Variants in DECR1 observed in about 807,000 individuals in gnomAD.
DECR1 encodes the protein 2,4-dienoyl-CoA reductase 1, also known as 2,4-dienoyl-CoA reductase [(3E)-enoyl-CoA-producing], mitochondrial.
In DECR1, 44 loss-of-function variants were observed where a neutral mutation model predicts 38.8. The observed-to-expected ratio is 1.13, with a 90% CI of 0.89 to 1.46. DECR1 has a LOEUF of 1.46. DECR1 is among the 40% of genes most tolerant of loss of function. DECR1 has a pLI of 0.00. For synonymous variants in DECR1, 148 were observed against 135.2 expected (o/e 1.09, Z -0.66); for missense variants, 428 against 405.5 (o/e 1.06, Z -0.48).
chr8:90,015,460 G>T, intron 1 of DECR1: 4 of 301,596 alleles, frequency 1.3e-5, no homozygotes, highest in South Asian at 5.9e-5. Flanking sequence ...ATTTTTATTT[G>T]TAGTTAAAAA....
intron 1 of DECR1, chr8:90,005,557 C>T: frequency 2.4e-6 from 1 of 412,628 alleles, no homozygotes; most frequent in Non-Finnish European, 4.8e-6. Context: ...TTACATAACT[C>T]TGGAGGAGGG....
chr8:90,004,130 C>G (rs1812684815), intron 1 of DECR1, among the ~76,000 whole-genome samples: 1 of 151,876 alleles, frequency 6.6e-6, no homozygotes, highest in Non-Finnish European at 1.5e-5. Context: ...ACTATCCAAC[C>G]TGATCAACAT....
At chr8:90,042,635 G>T in intron 6 of DECR1, 93 bp from the exon 7 acceptor site, 1 of 1,032,310 alleles carries the variant, frequency 9.7e-7, no homozygotes, top group Non-Finnish European at 1.5e-6. Context: ...GTAATCTCTG[G>T]CATGTAGTAA....
At chr8:90,044,581 A>C (rs1044216073) in intron 7 of DECR1, among the ~76,000 whole-genome samples, 10 of 152,172 alleles carry the variant, frequency 6.6e-5, no homozygotes, top group Admixed American at 2.0e-4. Flanking sequence ...CTTTATATAC[A>C]TTTTTTCATT....
At chr8:90,028,034 C>T (rs554134814) in intron 5 of DECR1, among the ~76,000 whole-genome samples, 23 of 152,208 alleles carry the variant, frequency 1.5e-4, no homozygotes, top group African/African-American at 5.3e-4. Context: ...CATTGAGCTT[C>T]TTAGCTTCTG....
chr8:90,004,274 G>T (rs1237832776), intron 1 of DECR1, among the ~76,000 whole-genome samples: 1 of 151,660 alleles, frequency 6.6e-6, no homozygotes, highest in South Asian at 2.1e-4. Context: ...TTGAACCTAG[G>T]AGGCAGAGGT....
intron 1 of DECR1, among the ~76,000 whole-genome samples, chr8:90,010,392 A>T (rs570582512): frequency 6.6e-6 from 1 of 152,338 alleles, no homozygotes; most frequent in Admixed American, 6.5e-5. Flanking sequence ...TTGTATTACC[A>T]GATACCTCCA....
chr8:90,004,197 C>T (rs1194257893), intron 1 of DECR1, among the ~76,000 whole-genome samples: 1 of 151,596 alleles, frequency 6.6e-6, no homozygotes, highest in Non-Finnish European at 1.5e-5. Context: ...GTGGCGCGTG[C>T]CTGTAATCCC....
At chr8:90,051,347 T>C (rs752229940) in intron 8 of DECR1, among the ~76,000 whole-genome samples, 13 of 149,718 alleles carry the variant, frequency 8.7e-5, no homozygotes, top group African/African-American at 1.2e-4. Flanking sequence ...GAGAGAGAGA[T>C]TGAGGATTAC....
chr8:90,017,226 C>A lies in DECR1; in HGVS notation c.172C>A (p.Gln58Lys). ...QKAMLPPNSFQGKVAFITGGG... is the reference protein window; with the variant it reads ...QKAMLPPNSFKGKVAFITGGG... ...AGCGATGCTACCACCTAATAGTTTT[C>A]AAGGAAAAGTGGCATTCATTACTGG... The change falls in exon 2 of 10, where the codon CAA (glutamine) becomes AAA (lysine). Residue 58 changes from glutamine (Q) to lysine (K), a missense_variant. Coordinates refer to ENST00000220764, the MANE Select transcript of DECR1 (RefSeq NM_001359.2). The A allele has an allele frequency of 6.2e-7, 1 of 1,614,096 alleles. No individual in the cohort carries two copies. The highest frequency in any genetic ancestry group is 8.5e-7 in the Non-Finnish European group (1 of 1,179,988).
chr8:90,036,722 A>G, intron 5 of DECR1, 119 bp from the exon 6 acceptor site: 1 of 606,436 alleles, frequency 1.6e-6, no homozygotes, highest in South Asian at 2.7e-5. Flanking sequence ...AAGTTTTAAA[A>G]AATACTTTAG....
chr8:90,010,253 G>T (rs1205572768), intron 1 of DECR1, among the ~76,000 whole-genome samples: 1 of 152,210 alleles, frequency 6.6e-6, no homozygotes, highest in African/African-American at 2.4e-5. Context: ...CAAGCTTTTG[G>T]TGTGGTACTC....
chr8:90,006,190 G>A, intron 1 of DECR1: 1 of 704,044 alleles, frequency 1.4e-6, no homozygotes, highest in Non-Finnish European at 2.6e-6. Context: ...TAAGGGGACA[G>A]AAAGAAGCCT....
intron 1 of DECR1, 69 bp downstream of exon 1, chr8:90,001,630 T>C (rs1465028449): frequency 4.2e-6 from 6 of 1,425,910 alleles, no homozygotes; most frequent in Non-Finnish European, 5.8e-6. Context: ...GGACAGGGCG[T>C]CACGGGGGCT....
chr8:90,030,441 C>T (rs76611211), intron 5 of DECR1: 6,520 of 152,332 alleles, frequency 0.043, 282 homozygotes, highest in East Asian at 0.19. Flanking sequence ...TCCATTCCTT[C>T]CCCACCATTT....
At chr8:90,043,120 A>G (rs1042221950) in intron 7 of DECR1, among the ~76,000 whole-genome samples, 5 of 152,092 alleles carry the variant, frequency 3.3e-5, no homozygotes, top group African/African-American at 1.2e-4. Flanking sequence ...AACTTTCATG[A>G]CATTTTAAAG....
At chr8:90,024,296 G>A (rs1813246063) in intron 5 of DECR1, among the ~76,000 whole-genome samples, 1 of 152,214 alleles carries the variant, frequency 6.6e-6, no homozygotes, top group Admixed American at 6.5e-5. Flanking sequence ...TAGCCACACT[G>A]TCTTCCACAA....
Position 90,029,154 on chromosome 8 carries a change from C to T in DECR1, c.566-7687C>T, listed in dbSNP as rs570395270. On this transcript the variant is annotated intron_variant, in intron 5 of 9. Coordinates refer to ENST00000220764, the MANE Select transcript of DECR1 (RefSeq NM_001359.2). ...TGATACTTGGACAGTTAGTGAGTGA[C>T]GATATTTTACTGTTATTCAGCTTTT... 50 of 152,080 alleles carry T rather than the reference C, an allele frequency of 3.3e-4. No homozygotes were observed. In the South Asian group the frequency reaches 4.2e-3, roughly 13 times the overall value. 9.4% of individuals were successfully genotyped at this position (152,080 alleles called of 1,614,324 possible).
intron 1 of DECR1, among the ~76,000 whole-genome samples, chr8:90,009,927 T>C (rs1294617329): frequency 6.6e-6 from 1 of 152,230 alleles, no homozygotes; most frequent in East Asian, 1.9e-4. Context: ...GTACACCCTA[T>C]GGCATAGAGC....
Sources: allele counts gnomAD v4.1 joint callset (sites outside exome capture counted in the v4.1 genomes callset), GRCh38; gene constraint gnomAD v4.1.1; transcripts MANE v1.5; gene names NCBI Gene and HGNC (gene_info 2026-07-23, HGNC 2026-07-21).